The following BSPH1 variants were observed in gnomAD, a reference collection of about 807,000 sequenced individuals.
The protein encoded by BSPH1 is binder of sperm 1.
Under a neutral mutation model 22.5 loss-of-function variants are expected in BSPH1, and 21 were observed. The observed-to-expected ratio is 0.93, with a 90% confidence interval of 0.66 to 1.35. The LOEUF is 1.35. Ranked by LOEUF, BSPH1 falls within the 40% of genes most tolerant of loss-of-function variation. BSPH1 has a pLI of 0.00. For synonymous variants in BSPH1, 42 were observed against 53.6 expected, an observed-to-expected ratio of 0.78 and a Z score of 0.95; for missense variants, 141 against 154.2, an observed-to-expected ratio of 0.91 and a Z score of 0.45.
chr19:47,975,446 C>T (rs1034650558), intron 5 of BSPH1, among the ~76,000 whole-genome samples: 1 of 152,188 alleles, frequency 6.6e-6, no homozygotes, highest in African/African-American at 2.4e-5. Flanking sequence ...GCTCCCAGGG[C>T]ACTCACCATG....
rs116501172 is a variant in BSPH1, at chr19:47,982,731, A to C, written c.74-1790T>G. The stretch of plus-strand genomic sequence containing the variant: ...ATGTCCGTGAGCAAATGAGTAAATA[A>C]AGAAAATATGGTAGACACATACAAT... On this transcript the variant is annotated intron_variant, in intron 1 of 5. Coordinates refer to ENST00000344839, the MANE Select transcript of BSPH1 (RefSeq NM_001128326.2). 9.2e-3 allele frequency among the ~76,000 whole-genome samples: 1,402 copies of C among 152,338 alleles called. 20 individuals carry two copies. The highest frequency in any genetic ancestry group is 0.031 in the African/African-American group (1,307 of 41,580).
chr19:47,977,827 C>T (rs1195053350), intron 3 of BSPH1: 3 of 241,672 alleles, frequency 1.2e-5, no homozygotes, highest in African/African-American at 4.7e-5. Context: ...TTCTTCCCCC[C>T]TGCCCCTGGA....
intron 4 of BSPH1, 114 bp downstream of exon 4, chr19:47,977,259 C>A: frequency 1.3e-6 from 1 of 749,876 alleles, no homozygotes; most frequent in Non-Finnish European, 2.1e-6. Context: ...CCTTTATTTT[C>A]ACAACTTAAT....
intron 4 of BSPH1, 27 bp from the exon 5 acceptor site, chr19:47,976,881 G>C: frequency 6.5e-7 from 1 of 1,549,840 alleles, no homozygotes; most frequent in Non-Finnish European, 8.7e-7. Flanking sequence ...GGAAGAAGCA[G>C]AGTAAGAAAC....
At chr19:47,973,638 C>T (rs958926990) in intron 5 of BSPH1, among the ~76,000 whole-genome samples, 5 of 152,126 alleles carry the variant, frequency 3.3e-5, no homozygotes, top group African/African-American at 1.2e-4. Flanking sequence ...AGAGATTGGA[C>T]CCTTCCTTTC....
At chr19:47,967,302 A>G (rs1969268694), downstream of BSPH1, among the ~76,000 whole-genome samples, 1 of 152,230 alleles carries the variant, frequency 6.6e-6, no homozygotes, top group Non-Finnish European at 1.5e-5. Context: ...GTTGCTGCAA[A>G]GGATACGATT....
chr19:47,990,981 C>T (rs916689769), intron 1 of BSPH1, among the ~76,000 whole-genome samples: 2 of 152,006 alleles, frequency 1.3e-5, no homozygotes, highest in African/African-American at 2.4e-5. Flanking sequence ...TTTTATTAGC[C>T]GAACTTTCTT....
chr19:47,974,809 T>C (rs1177899300), intron 5 of BSPH1, among the ~76,000 whole-genome samples: 3 of 151,632 alleles, frequency 2.0e-5, no homozygotes, highest in African/African-American at 7.3e-5. Flanking sequence ...GTAAGCTTCC[T>C]GACTGACGCA....
chr19:47,972,416 A>G (rs1220729521), intron 5 of BSPH1, among the ~76,000 whole-genome samples: 1 of 151,586 alleles, frequency 6.6e-6, no homozygotes, highest in Non-Finnish European at 1.5e-5. Context: ...TTTATAGGTA[A>G]TTTTTGTATC....
chr19:47,988,270 T>C (rs1969489600), intron 1 of BSPH1, among the ~76,000 whole-genome samples: 1 of 152,148 alleles, frequency 6.6e-6, no homozygotes, highest in African/African-American at 2.4e-5. Flanking sequence ...GGTACTATAA[T>C]AGTAGTAATA....
chr19:47,976,843 A>C lies in BSPH1; in HGVS notation c.268T>G (p.Cys90Gly), dbSNP rs1293458232. The stretch of plus-strand genomic sequence containing the variant: ...CGTCTGTACCAGAAGGGAAATACAC[A>C]GTTTGCAAAATCTGCAGAGGAGGAA... ...KFCSAEDFAN[C>G]VFPFWYRRLI... Residue 90 changes from cysteine to glycine, a missense_variant, in exon 5 of 6, where the codon TGT becomes GGT. Cys to Gly is a radical substitution (Grantham distance 159). Transcript: ENST00000344839. 1.9e-6 allele frequency: 3 copies of C among 1,550,554 alleles called. No homozygotes were observed. Among genetic ancestry groups the C allele is most frequent in the Non-Finnish European group, 2.6e-6 (3 of 1,146,718 alleles).
chr19:47,976,195 A>G (rs1360233257), intron 5 of BSPH1, among the ~76,000 whole-genome samples: 1 of 151,964 alleles, frequency 6.6e-6, no homozygotes, highest in Non-Finnish European at 1.5e-5. Flanking sequence ...TTTCATCACA[A>G]CTCAATGCAA....
intron 2 of BSPH1, among the ~76,000 whole-genome samples, chr19:47,979,902 A>G (rs1969402445): frequency 6.6e-6 from 1 of 152,148 alleles, no homozygotes; most frequent in Admixed American, 6.5e-5. Context: ...ATCAATGTCC[A>G]GTTGGTTCTT....
Position 47,977,372 on chromosome 19 carries a change from CCTT to C in BSPH1, c.254_256del (p.Glu85del), listed in dbSNP as rs1568396608. On this transcript the variant is annotated inframe_deletion and splice_region_variant, in exon 4 of 6. Coordinates refer to ENST00000344839, the MANE Select transcript of BSPH1 (RefSeq NM_001128326.2). ...GAGGTATTTAGAGACAGGACACTCA[CCTT>C]CTGCACTGCAAAACTTCCAGTATCC... is the stretch of plus-strand genomic sequence containing the variant. 2 of 1,551,642 alleles carry C rather than the reference CCTT, an allele frequency of 1.3e-6. No individual in the cohort carries two copies. The highest frequency in any genetic ancestry group is 4.9e-5 in the East Asian group (2 of 40,906).
intron 1 of BSPH1, among the ~76,000 whole-genome samples, chr19:47,986,334 C>T (rs1056163168): frequency 5.9e-5 from 9 of 152,148 alleles, no homozygotes; most frequent in African/African-American, 2.2e-4. Context: ...AGAGCAATAA[C>T]AATGAATGGG....
At chr19:47,972,729 GTTTAT>G (rs1383549434) in intron 5 of BSPH1, among the ~76,000 whole-genome samples, 2 of 143,050 alleles carry the variant, frequency 1.4e-5, no homozygotes, top group South Asian at 2.1e-4. Context: ...TGGAGAGAGT[GTTTAT>G]TTTAATATAT....
At chr19:47,983,021 G>A (rs530169984) in intron 1 of BSPH1, among the ~76,000 whole-genome samples, 1 of 152,270 alleles carries the variant, frequency 6.6e-6, no homozygotes, top group Non-Finnish European at 1.5e-5. Context: ...AAAAGGCTCT[G>A]GAGATAGATT....
chr19:47,977,768 T>C (rs1032703684), intron 3 of BSPH1: 1 of 714,212 alleles, frequency 1.4e-6, no homozygotes, highest in African/African-American at 1.9e-5. Flanking sequence ...GTTTCAGAAA[T>C]CTCTCCTAAG....
rs574512692 is a variant in BSPH1, at chr19:47,976,319, C to T, written c.*2+391G>A. 3.9e-5 allele frequency among the ~76,000 whole-genome samples: 6 copies of T among 151,968 alleles called. No individual in the cohort carries two copies. In the East Asian group the frequency reaches 7.8e-4, roughly 20 times the overall value. On this transcript the variant is annotated intron_variant, in intron 5 of 5. Transcript: ENST00000344839. The stretch of plus-strand genomic sequence containing the variant: ...TTTTAAATTTTTTCTTTTGTAGAAA[C>T]GGGGTCTTGCTATGTTGGTCCAGGC...
Sources: allele counts gnomAD v4.1 joint callset (sites outside exome capture counted in the v4.1 genomes callset), GRCh38; gene constraint gnomAD v4.1.1; transcripts MANE v1.5; gene names NCBI Gene and HGNC (gene_info 2026-07-23, HGNC 2026-07-21).